The following ADAMTS7 variants were observed in gnomAD, a reference collection of about 807,000 sequenced individuals.
ADAMTS7 encodes the protein ADAM metallopeptidase with thrombospondin type 1 motif 7, also known as A disintegrin and metalloproteinase with thrombospondin motifs 7.
In ADAMTS7, 89 loss-of-function variants were observed where a neutral mutation model predicts 172.6. The observed-to-expected ratio is 0.52, with a 90% confidence interval of 0.43 to 0.61. ADAMTS7 has a LOEUF of 0.61. Among genes scored for constraint, ADAMTS7 ranks in the 20% least tolerant of loss-of-function variants. The pLI is 0.00. For synonymous variants in ADAMTS7, 885 were observed against 978.4 expected (o/e 0.90, Z 1.78); for missense variants, 1,973 against 2,355.6 (o/e 0.84, Z 3.36).
chr15:78,765,882 G>C lies in ADAMTS7; in HGVS notation c.4029C>G (p.Gly1343=), dbSNP rs2055135052. 6.4e-7 allele frequency: 1 copy of C among 1,571,686 alleles called. No homozygotes were observed. Among genetic ancestry groups the C allele is most frequent in the African/African-American group, 1.3e-5 (1 of 74,146 alleles). Residue 1343 remains glycine, a synonymous_variant, in exon 19 of 24, where the codon GGC becomes GGG. Coordinates refer to ENST00000388820, the MANE Select transcript of ADAMTS7 (RefSeq NM_014272.5). ...GGGCAGGCTCAGGCATGTGCCCGAG[G>C]CCAGTCAGGGTTGTGGGGAGGAAGG... The part of the protein sequence containing the change: ...WGTFLPTTLT[G]LGHMPEPALN...
At position 78,766,590 on chromosome 15, in the gene ADAMTS7, C is replaced by T. The variant is rs777725327; in HGVS notation, c.3321G>A (p.Thr1107=). The stretch of plus-strand genomic sequence containing the variant: ...GCTCTGTGGCAGGCACGGGGCTACC[C>T]GTGGAGGGCGCAGCAGGATGGCTGT... ...PPHSHPAAPS[T]GSPVPATEPP... is the part of the protein sequence containing the mutation. Residue 1107 remains threonine (T), a synonymous_variant, in exon 19 of 24, where the codon ACG becomes ACA. Coordinates refer to ENST00000388820, the MANE Select transcript of ADAMTS7 (RefSeq NM_014272.5). 328 of 1,601,718 alleles carry T rather than the reference C, an allele frequency of 2.0e-4. No individual in the cohort carries two copies. Among genetic ancestry groups the T allele is most frequent in the Non-Finnish European group, 2.0e-4 (232 of 1,177,450 alleles).
chr15:78,764,149 G>A (rs1166779057), intron 20 of ADAMTS7, 50 bp from the exon 21 acceptor site: 3 of 1,464,912 alleles, frequency 2.0e-6, no homozygotes, highest in African/African-American at 2.8e-5. Flanking sequence ...CAGGCCCACA[G>A]GCGTGACCCC....
In ADAMTS7 at chr15:78,766,645, G is replaced by T. The variant is rs145552175; in HGVS notation, c.3266C>A (p.Ala1089Glu). The T allele has an allele frequency of 1.2e-6, 2 of 1,609,996 alleles. No homozygotes were observed. Among genetic ancestry groups the T allele is most frequent in the South Asian group, 1.1e-5 (1 of 90,890 alleles). ...TGGGGGTGTCCGGTCCCCTGTCCCCGCCAGGTCTAGATCGGGCTCCTCAGA... is the reference window on the plus strand; with the variant it reads ...TGGGGGTGTCCGGTCCCCTGTCCCCTCCAGGTCTAGATCGGGCTCCTCAGA... Reference protein sequence around the residue: ...GPSEEPDLDLAGTGDRTPPPH... With the variant: ...GPSEEPDLDLEGTGDRTPPPH... Residue 1089 changes from alanine to glutamate, a missense_variant, in exon 19 of 24, where the codon GCG becomes GAG. By Grantham distance (107) the Ala-to-Glu change is moderately radical. Coordinates refer to ENST00000388820, the MANE Select transcript of ADAMTS7 (RefSeq NM_014272.5).
chr15:78,777,851 C>T lies in ADAMTS7; in HGVS notation c.1323-263G>A, dbSNP rs150840955. 0.035 allele frequency among the ~76,000 whole-genome samples: 5,285 copies of T among 152,268 alleles called. 600 individuals are homozygous for T. In the East Asian group the frequency reaches 0.38, roughly 11 times the overall value. ...CAATCCCAGGCCTCCGCACACGCTG[C>T]CAGGGCCCTTCCCTCAGAAGGCCTC... is the stretch of plus-strand genomic sequence containing the variant. On this transcript the variant is annotated intron_variant, in intron 8 of 23. Coordinates refer to ENST00000388820, the MANE Select transcript of ADAMTS7 (RefSeq NM_014272.5).
At chr15:78,787,540 T>G (rs1185191482) in intron 8 of ADAMTS7, among the ~76,000 whole-genome samples, 2 of 152,146 alleles carry the variant, frequency 1.3e-5, no homozygotes, top group Non-Finnish European at 2.9e-5. Context: ...GGCACACGCC[T>G]GTAGTCCCAG....
chr15:78,806,739 C>T (rs2055802349), intron 1 of ADAMTS7, among the ~76,000 whole-genome samples: 1 of 152,066 alleles, frequency 6.6e-6, no homozygotes, highest in Non-Finnish European at 1.5e-5. Context: ...GGCTACAACT[C>T]CAAGGCTTGT....
chr15:78,793,931 C>T (rs970305497), intron 4 of ADAMTS7, among the ~76,000 whole-genome samples: 15 of 152,274 alleles, frequency 9.9e-5, no homozygotes, highest in African/African-American at 3.6e-4. Flanking sequence ...TTGAGCGAGC[C>T]CCTTGACCTC....
rs2055626589 is a variant in ADAMTS7, at chr15:78,795,140, C to T, written c.819+1450G>A. ...TCCAGGGTCTTTCAGGCTGAGCCCC[C>T]AAAGTGCTGAGAATGAGAAGGAGGG... On this transcript the variant is annotated intron_variant, in intron 4 of 23. Transcript: ENST00000388820. Among the ~76,000 whole-genome samples the T allele has an allele frequency of 2.0e-5, 3 of 152,232 alleles. No homozygotes were observed. In the South Asian group the frequency reaches 6.2e-4, roughly 31 times the overall value.
At chr15:78,797,848 G>C in intron 3 of ADAMTS7, 100 bp downstream of exon 3, 1 of 1,355,320 alleles carries the variant, frequency 7.4e-7, no homozygotes, top group Non-Finnish European at 1.0e-6. Flanking sequence ...TCTGGTCTAA[G>C]GGGCACTGGG....
At chr15:78,789,986 C>A (rs1460495189) in intron 6 of ADAMTS7, 148 bp from the exon 7 acceptor site, 5 of 1,178,876 alleles carry the variant, frequency 4.2e-6, no homozygotes, top group Non-Finnish European at 5.9e-6. Flanking sequence ...AGCACGGTGG[C>A]CGCTTGGGAA....
At chr15:78,789,591 C>T in intron 7 of ADAMTS7, 98 bp downstream of exon 7, 3 of 1,493,446 alleles carry the variant, frequency 2.0e-6, no homozygotes, top group East Asian at 2.4e-5. Context: ...AGCTTCCTTT[C>T]CCCTGGACTT....
intron 8 of ADAMTS7, among the ~76,000 whole-genome samples, chr15:78,778,372 C>G (rs2055383275): frequency 6.6e-6 from 1 of 152,204 alleles, no homozygotes; most frequent in African/African-American, 2.4e-5. Flanking sequence ...CGCTTCTGCC[C>G]CTGCCTCACT....
Position 78,774,608 on chromosome 15 carries a change from G to T in ADAMTS7, c.1876+16C>A, listed in dbSNP as rs1208158159. ...GCCCTCTAAGCCTCAATGTCTCCAT[G>T]GGGGGCAGCACTCACCGTCATTGAC... On this transcript the variant is annotated intron_variant, in intron 12 of 23. Coordinates refer to ENST00000388820, the MANE Select transcript of ADAMTS7 (RefSeq NM_014272.5). 6.2e-7 allele frequency: 1 copy of T among 1,611,244 alleles called. No homozygotes were observed. The highest frequency in any genetic ancestry group is 8.5e-7 in the Non-Finnish European group (1 of 1,179,650).
chr15:78,788,010 T>G (rs1179472600), intron 8 of ADAMTS7, among the ~76,000 whole-genome samples: 2 of 152,214 alleles, frequency 1.3e-5, no homozygotes, highest in Non-Finnish European at 2.9e-5. Flanking sequence ...ACATTTGGGA[T>G]GCCGGCACCA....
At position 78,811,318 on chromosome 15, in the gene ADAMTS7, G is replaced by A; in HGVS notation, c.-98C>T. ...CCCAGGTCCGGCTCAGGACATGCCCGGCCGGCGTGCAGCTCCCGGCGACCC... is the reference window on the plus strand; with the variant it reads ...CCCAGGTCCGGCTCAGGACATGCCCAGCCGGCGTGCAGCTCCCGGCGACCC... On this transcript the variant is annotated 5_prime_UTR_variant, in exon 1 of 24. Coordinates refer to ENST00000388820, the MANE Select transcript of ADAMTS7 (RefSeq NM_014272.5). The A allele has an allele frequency of 8.3e-7, 1 of 1,205,018 alleles. No homozygotes were observed. Among genetic ancestry groups the A allele is most frequent in the Non-Finnish European group, 1.0e-6 (1 of 968,364 alleles). 74.6% of individuals were successfully genotyped at this position (1,205,018 alleles called of 1,614,324 possible).
chr15:78,777,645 G>T, intron 8 of ADAMTS7, 57 bp from the exon 9 acceptor site: 2 of 1,563,172 alleles, frequency 1.3e-6, no homozygotes, highest in Non-Finnish European at 1.7e-6. Flanking sequence ...CATCGGAGAA[G>T]CCTTGGTGGG....
At position 78,764,040 on chromosome 15, in the gene ADAMTS7, C is replaced by T. The variant is rs1241671636; in HGVS notation, c.4479G>A (p.Arg1493=). ...GGAAGGGCCGCAGTGGCCGGAGGTCCCGTGTGTCCACACACTGCACGTCCC... is the reference window on the plus strand; with the variant it reads ...GGAAGGGCCGCAGTGGCCGGAGGTCTCGTGTGTCCACACACTGCACGTCCC... ...SVRDVQCVDT[R]DLRPLRPFHC... The change falls in exon 21 of 24, where the codon CGG becomes CGA. Residue 1493 remains arginine, a synonymous_variant. Coordinates refer to ENST00000388820, the MANE Select transcript of ADAMTS7 (RefSeq NM_014272.5). 1.9e-6 allele frequency: 3 copies of T among 1,539,652 alleles called. No individual in the cohort carries two copies. In the East Asian group the frequency reaches 7.3e-5, roughly 38 times the overall value.
chr15:78,782,688 G>A (rs2055444697), intron 8 of ADAMTS7, among the ~76,000 whole-genome samples: 1 of 152,122 alleles, frequency 6.6e-6, no homozygotes, highest in South Asian at 2.1e-4. Flanking sequence ...AAAGCTGAGA[G>A]CCAACTGCCT....
In ADAMTS7 at chr15:78,788,389, A is replaced by G. The variant is rs1325418131; in HGVS notation, c.1179-15T>C. The G allele has an allele frequency of 2.5e-6, 4 of 1,611,558 alleles. No individual in the cohort carries two copies. Among genetic ancestry groups the G allele is most frequent in the Admixed American group, 1.7e-5 (1 of 59,972 alleles). On this transcript the variant is annotated splice_polypyrimidine_tract_variant and intron_variant, in intron 7 of 23. Transcript: ENST00000388820. ...GAATGCCAAAACTGTGTGAGAGCACAGGCCCCAGGGGCGGGTGAGCCGGCG... is the reference window on the plus strand; with the variant it reads ...GAATGCCAAAACTGTGTGAGAGCACGGGCCCCAGGGGCGGGTGAGCCGGCG...
Sources: gnomAD v4.1 joint callset for allele counts (sites outside exome capture counted in the v4.1 genomes callset) on GRCh38, gnomAD v4.1.1 for gene constraint, MANE v1.5 for transcripts, NCBI Gene and HGNC (gene_info 2026-07-23, HGNC 2026-07-21) for gene names.